The following SUGCT variants were observed in gnomAD, a reference collection of about 807,000 sequenced individuals.
The protein encoded by SUGCT is succinyl-CoA:glutarate-CoA transferase, also known as succinyl-CoA:glutarate CoA-transferase.
Under a neutral mutation model 55.0 loss-of-function variants are expected in SUGCT, and 41 were observed. The ratio of observed to expected loss-of-function variants is 0.74; its 90% CI spans 0.58 to 0.97. The LOEUF is 0.97. Among genes scored for constraint, SUGCT ranks in the 50% least tolerant of loss-of-function variants. The pLI is 0.00. For missense variants in SUGCT, 568 were observed against 547.8 expected, an observed-to-expected ratio of 1.04 and a Z score of -0.37; for synonymous variants, 187 against 200.4, an observed-to-expected ratio of 0.93 and a Z score of 0.56.
chr7:40,697,075 C>G (rs1025467813), intron 12 of SUGCT, among the ~76,000 whole-genome samples: 5 of 152,144 alleles, frequency 3.3e-5, no homozygotes, highest in Admixed American at 6.5e-5. Context: ...TGCACACACA[C>G]ACACTCACAC....
At chr7:40,848,549 A>G (rs1485449666) in intron 13 of SUGCT, among the ~76,000 whole-genome samples, 2 of 151,842 alleles carry the variant, frequency 1.3e-5, no homozygotes, top group African/African-American at 4.9e-5. Context: ...TGACTATCAA[A>G]GGGTCATTGA....
chr7:40,633,129 A>G (rs903064948), intron 12 of SUGCT, among the ~76,000 whole-genome samples: 1 of 152,208 alleles, frequency 6.6e-6, no homozygotes, highest in Non-Finnish European at 1.5e-5. Context: ...GCACAAGATA[A>G]CTATATTATA....
At chr7:40,574,463 G>C (rs1796616079) in intron 12 of SUGCT, among the ~76,000 whole-genome samples, 1 of 152,018 alleles carries the variant, frequency 6.6e-6, no homozygotes, top group Non-Finnish European at 1.5e-5. Flanking sequence ...CCAGGGTCTT[G>C]CTCTGTTGCC....
intron 9 of SUGCT, among the ~76,000 whole-genome samples, chr7:40,366,933 A>G (rs571521437): frequency 1.3e-5 from 2 of 152,320 alleles, no homozygotes; most frequent in African/African-American, 4.8e-5. Flanking sequence ...CCGAAGGACT[A>G]TAAATCATGC....
At chr7:40,657,925 TG>T (rs1199797230) in intron 12 of SUGCT, among the ~76,000 whole-genome samples, 6 of 152,156 alleles carry the variant, frequency 3.9e-5, no homozygotes, top group African/African-American at 1.4e-4. Context: ...AGCTCTTCAG[TG>T]ATGGAGCTGG....
chr7:40,998,940 G>C, the SUGCT span, among the ~76,000 whole-genome samples: 1 of 152,066 alleles, frequency 6.6e-6, no homozygotes, highest in Middle Eastern at 3.4e-3. Flanking sequence ...CACTGCAAAG[G>C]GATCACATTT....
chr7:40,327,693 A>G (rs1465242704), intron 9 of SUGCT, among the ~76,000 whole-genome samples: 1 of 152,206 alleles, frequency 6.6e-6, no homozygotes. Context: ...ATATATGTGC[A>G]GAACTAATGT....
chr7:40,377,198 CTTTTCT>C (rs1457291891), intron 9 of SUGCT, among the ~76,000 whole-genome samples: 218 of 16,562 alleles, frequency 0.013, 47 homozygotes, highest in East Asian at 0.092. Flanking sequence ...TTCTTTCTTT[CTTTTCT>C]TTTCTTTTCT....
At chr7:40,404,618 G>A (rs554388184) in intron 9 of SUGCT, among the ~76,000 whole-genome samples, 1 of 152,188 alleles carries the variant, frequency 6.6e-6, no homozygotes, top group Non-Finnish European at 1.5e-5. Flanking sequence ...TGTATTTTTA[G>A]TAGAGACAGG....
intron 9 of SUGCT, among the ~76,000 whole-genome samples, chr7:40,338,146 G>T (rs1251894224): frequency 6.6e-6 from 1 of 152,070 alleles, no homozygotes; most frequent in Non-Finnish European, 1.5e-5. Context: ...TTCCCTTTGT[G>T]GGTAACCCAA....
At chr7:40,637,318 G>C (rs1375321868) in intron 12 of SUGCT, among the ~76,000 whole-genome samples, 1 of 152,188 alleles carries the variant, frequency 6.6e-6, no homozygotes, top group Non-Finnish European at 1.5e-5. Context: ...TGACCACCTA[G>C]TGAATAGAAG....
intron 11 of SUGCT, among the ~76,000 whole-genome samples, chr7:40,484,770 C>T (rs996478310): frequency 1.3e-5 from 2 of 151,988 alleles, no homozygotes; most frequent in Non-Finnish European, 2.9e-5. Flanking sequence ...TTTTAAAAAC[C>T]TACTGCCTTT....
rs573747841 is a variant in SUGCT at position 40,669,026 on chromosome 7, C to T, written c.1090-80408C>T. ...ACATAGGGAGGCTGGAATTTTCCCTCTACTCAGTAGTAGCAAGGCCCCCTT... is the reference window on the plus strand; with the variant it reads ...ACATAGGGAGGCTGGAATTTTCCCTTTACTCAGTAGTAGCAAGGCCCCCTT... On this transcript the variant is annotated intron_variant, in intron 12 of 13. Coordinates refer to ENST00000335693, the MANE Select transcript of SUGCT (RefSeq NM_001193313.2). 7.3e-4 allele frequency among the ~76,000 whole-genome samples: 111 copies of T among 152,274 alleles called. 1 individual carries two copies. Among genetic ancestry groups the T allele is most frequent in the African/African-American group, 2.5e-3 (104 of 41,548 alleles).
chr7:40,156,499 A>C (rs1283749686), intron 1 of SUGCT, among the ~76,000 whole-genome samples: 1 of 152,002 alleles, frequency 6.6e-6, no homozygotes, highest in Non-Finnish European at 1.5e-5. Flanking sequence ...TGTCTTAAAA[A>C]ACTACACTTG....
chr7:40,794,989 G>A (rs1790483013), intron 13 of SUGCT, among the ~76,000 whole-genome samples: 2 of 151,998 alleles, frequency 1.3e-5, no homozygotes, highest in Admixed American at 1.3e-4. Context: ...TATATTTCTG[G>A]TGAGTAAATA....
At chr7:40,562,167 T>G (rs1329906718) in intron 12 of SUGCT, among the ~76,000 whole-genome samples, 2 of 151,040 alleles carry the variant, frequency 1.3e-5, no homozygotes, top group South Asian at 2.1e-4. Context: ...GGTGTGGTGG[T>G]GGGTGCCTGT....
At chr7:40,240,728 C>T (rs1418179270) in intron 7 of SUGCT, among the ~76,000 whole-genome samples, 1 of 152,200 alleles carries the variant, frequency 6.6e-6, no homozygotes, top group Non-Finnish European at 1.5e-5. Flanking sequence ...TGTATCTGTG[C>T]TGTAGCATAA....
chr7:40,548,357 T>G (rs964506057), intron 12 of SUGCT, among the ~76,000 whole-genome samples: 11 of 151,958 alleles, frequency 7.2e-5, no homozygotes, highest in Non-Finnish European at 1.3e-4. Context: ...CACTGCTAAT[T>G]TTTTAAAATT....
At chr7:40,197,129 C>G (rs1408474551) in intron 6 of SUGCT, among the ~76,000 whole-genome samples, 1 of 152,124 alleles carries the variant, frequency 6.6e-6, no homozygotes, top group Non-Finnish European at 1.5e-5. Flanking sequence ...GCCACTGTGC[C>G]CGGCCCTGAT....
Sources: gnomAD v4.1 joint callset for allele counts (sites outside exome capture counted in the v4.1 genomes callset) on GRCh38, gnomAD v4.1.1 for gene constraint, MANE v1.5 for transcripts, NCBI Gene and HGNC (gene_info 2026-07-23, HGNC 2026-07-21) for gene names.